Variants in PCSK5 observed in about 807,000 individuals in gnomAD.
PCSK5 encodes the protein proprotein convertase subtilisin/kexin type 5.
A neutral mutation model predicts 233.2 loss-of-function variants in PCSK5; 129 were observed. The ratio of observed to expected loss-of-function variants is 0.55; its 90% CI spans 0.48 to 0.64. The LOEUF (loss-of-function observed/expected upper bound fraction) is 0.64. Ranked by LOEUF, PCSK5 falls within the 30% of genes least tolerant of loss-of-function variation. PCSK5 has a pLI of 0.00. For synonymous variants in PCSK5, 825 were observed against 879.2 expected (o/e 0.94, Z 1.09); for missense variants, 2,076 against 2,430.1 (o/e 0.85, Z 3.06).
chr9:76,216,861 G>C (rs1384476384), intron 20 of PCSK5, among the ~76,000 whole-genome samples: 4 of 152,110 alleles, frequency 2.6e-5, no homozygotes, highest in Non-Finnish European at 4.4e-5. Context: ...GTTTGTTTTT[G>C]AGATGGCGTC....
intron 3 of PCSK5, among the ~76,000 whole-genome samples, chr9:76,014,153 A>T (rs939865262): frequency 1.3e-5 from 2 of 152,124 alleles, no homozygotes; most frequent in African/African-American, 4.8e-5. Context: ...ATGCAAGCAG[A>T]ATTTTGCAAA....
chr9:76,090,535 G>A (rs531311000), intron 7 of PCSK5, among the ~76,000 whole-genome samples: 2 of 152,288 alleles, frequency 1.3e-5, no homozygotes, highest in Admixed American at 1.3e-4. Context: ...GTCGAATGAT[G>A]GCAGTCTCTA....
intron 9 of PCSK5, among the ~76,000 whole-genome samples, chr9:76,127,397 C>T (rs7023434): frequency 0.47 from 71,443 of 151,996 alleles, 17,199 homozygotes; most frequent in Admixed American, 0.52. Flanking sequence ...AATGGCTAAC[C>T]ATCAAGAGAG....
chr9:76,241,189 C>T (rs967592000), intron 24 of PCSK5, among the ~76,000 whole-genome samples: 1 of 152,156 alleles, frequency 6.6e-6, no homozygotes, highest in African/African-American at 2.4e-5. Context: ...TGCCTGTAAT[C>T]CCAGCACTTT....
chr9:76,034,078 T>C (rs1828754543), intron 5 of PCSK5, among the ~76,000 whole-genome samples: 1 of 152,188 alleles, frequency 6.6e-6, no homozygotes, highest in Non-Finnish European at 1.5e-5. Flanking sequence ...TCTTTGATCA[T>C]TGTGTAGGTT....
chr9:76,128,326 C>T (rs902241166), intron 9 of PCSK5, among the ~76,000 whole-genome samples: 1 of 152,150 alleles, frequency 6.6e-6, no homozygotes, highest in Non-Finnish European at 1.5e-5. Context: ...ATATTCAGGG[C>T]ACAATTGTTG....
At chr9:76,327,058 G>A (rs1182960430) in intron 32 of PCSK5, among the ~76,000 whole-genome samples, 2 of 151,856 alleles carry the variant, frequency 1.3e-5, no homozygotes, top group Non-Finnish European at 2.9e-5. Flanking sequence ...CTTGAGGCCA[G>A]GAGTTCAAGA....
At chr9:76,356,706 ACTT>A (rs935953831) in intron 37 of PCSK5, among the ~76,000 whole-genome samples, 13 of 151,934 alleles carry the variant, frequency 8.6e-5, no homozygotes, top group Non-Finnish European at 1.6e-4. Flanking sequence ...AAAATAGAAA[ACTT>A]CTTTCTCACT....
intron 3 of PCSK5, among the ~76,000 whole-genome samples, chr9:75,994,412 T>C (rs1202363305): frequency 1.6e-4 from 1 of 6,342 alleles, no homozygotes; most frequent in African/African-American, 3.4e-4. Context: ...TTTTTTTTTT[T>C]TTTTTTTTTT....
At chr9:76,212,811 A>G (rs1014775336) in intron 20 of PCSK5, among the ~76,000 whole-genome samples, 2 of 152,200 alleles carry the variant, frequency 1.3e-5, no homozygotes, top group Non-Finnish European at 2.9e-5. Context: ...AGGTAGGGTT[A>G]TTTTTATATT....
intron 5 of PCSK5, among the ~76,000 whole-genome samples, chr9:76,046,209 G>A (rs1184674796): frequency 4.9e-5 from 5 of 102,260 alleles, no homozygotes; most frequent in Non-Finnish European, 8.7e-5. Flanking sequence ...ACGGAGTCTC[G>A]CCCTCTCGCC....
chr9:76,208,997 T>A (rs1825224337), intron 20 of PCSK5, among the ~76,000 whole-genome samples: 1 of 152,226 alleles, frequency 6.6e-6, no homozygotes, highest in South Asian at 2.1e-4. Context: ...TGAACTTCTG[T>A]GCTGGAAAGA....
At chr9:76,322,522 G>A (rs1368025808) in intron 31 of PCSK5, among the ~76,000 whole-genome samples, 5 of 152,026 alleles carry the variant, frequency 3.3e-5, no homozygotes. Flanking sequence ...GTGACCTCAA[G>A]TGTTTCCCAG....
In PCSK5 at chr9:76,023,825, G is replaced by A; in HGVS notation, c.499G>A (p.Val167Ile). 1 of 1,613,522 alleles carries A rather than the reference G, an allele frequency of 6.2e-7. No individual in the cohort carries two copies. The highest frequency in any genetic ancestry group is 8.5e-7 in the Non-Finnish European group (1 of 1,179,616). Reference protein sequence around the residue: ...KRGYTGKNIVVTILDDGIERT... With the variant: ...KRGYTGKNIVITILDDGIERT... ...AGGCTACACGGGAAAGAACATTGTG[G>A]TCACTATCCTGGATGACGGAATTGA... The change falls in exon 4 of 38, where the codon GTC becomes ATC. Residue 167 changes from valine to isoleucine, a missense_variant. Transcript: ENST00000674117.
intron 20 of PCSK5, among the ~76,000 whole-genome samples, chr9:76,191,912 C>CTA (rs1234251161): frequency 2.0e-5 from 3 of 150,190 alleles, no homozygotes; most frequent in Non-Finnish European, 4.4e-5. Context: ...AACCCCATCT[C>CTA]TACTAAAAAT....
intron 35 of PCSK5, among the ~76,000 whole-genome samples, chr9:76,346,095 C>A (rs188936267): frequency 6.6e-6 from 1 of 152,294 alleles, no homozygotes; most frequent in Admixed American, 6.5e-5. Flanking sequence ...CAGTTTTATT[C>A]TTCTGCATAT....
rs747230549 is a variant in PCSK5, at chr9:76,071,758, A to G, written c.754A>G (p.Met252Val). Reference protein sequence around the residue: ...VRMLDGDVTDMVEAKSVSFNP... With the variant: ...VRMLDGDVTDVVEAKSVSFNP... ...AATGCTGGACGGAGATGTCACGGACATGGTTGAAGCAAAATCAGTTAGCTT... is the reference window on the plus strand; with the variant it reads ...AATGCTGGACGGAGATGTCACGGACGTGGTTGAAGCAAAATCAGTTAGCTT... The change falls in exon 7 of 38, where the codon ATG (methionine) becomes GTG (valine). Residue 252 changes from methionine (M) to valine (V), a missense_variant. Transcript: ENST00000674117. The G allele has an allele frequency of 4.3e-6, 7 of 1,614,076 alleles. No homozygotes were observed. Among genetic ancestry groups the G allele is most frequent in the East Asian group, 4.5e-5 (2 of 44,878 alleles).
intron 1 of PCSK5, among the ~76,000 whole-genome samples, chr9:75,902,071 C>T (rs190901248): frequency 1.3e-4 from 20 of 151,792 alleles, no homozygotes; most frequent in Admixed American, 2.0e-4. Context: ...CAAAAATTAG[C>T]GGGGTGTGGT....
intron 23 of PCSK5, among the ~76,000 whole-genome samples, chr9:76,240,060 C>A (rs566754757): frequency 6.6e-6 from 1 of 152,296 alleles, no homozygotes; most frequent in East Asian, 1.9e-4. Context: ...AATTAAAAAA[C>A]AACACTTATA....
Sources: allele counts gnomAD v4.1 joint callset (sites outside exome capture counted in the v4.1 genomes callset), GRCh38; gene constraint gnomAD v4.1.1; transcripts MANE v1.5; gene names NCBI Gene and HGNC (gene_info 2026-07-23, HGNC 2026-07-21).